ABCA8: variants seen among roughly 807,000 people sequenced by gnomAD.
ABCA8 encodes the protein ATP binding cassette subfamily A member 8.
Under a neutral mutation model 192.3 loss-of-function variants are expected in ABCA8, and 177 were observed. The observed-to-expected ratio is 0.92, with a 90% CI of 0.81 to 1.04. The LOEUF is 1.04. Among genes scored for constraint, ABCA8 ranks in the 50% least tolerant of loss-of-function variants. ABCA8 has a pLI of 0.00. For missense variants in ABCA8, 1,915 were observed against 1,904.8 expected (o/e 1.01, Z -0.10); for synonymous variants, 642 against 690.2 (o/e 0.93, Z 1.09).
At position 68,924,683 on chromosome 17, in the gene ABCA8, C is replaced by T; in HGVS notation, c.1442+18G>A. The stretch of plus-strand genomic sequence containing the variant: ...CTTCCTGCCTTTTTGCCCTGTTCTC[C>T]ACCTGCAGCCTTATTACCTGATGGC... On this transcript the variant is annotated intron_variant, in intron 11 of 39. Transcript: ENST00000586539. 1 of 1,605,854 alleles carries T rather than the reference C, an allele frequency of 6.2e-7. No homozygotes were observed. Among genetic ancestry groups the T allele is most frequent in the Non-Finnish European group, 8.5e-7 (1 of 1,177,144 alleles).
chr17:68,902,321 A>G (rs1227051564), intron 21 of ABCA8, among the ~76,000 whole-genome samples: 2 of 152,118 alleles, frequency 1.3e-5, no homozygotes, highest in African/African-American at 4.8e-5. Flanking sequence ...GCTATTCGGT[A>G]TGGGGTTTCT....
chr17:68,919,355 G>T lies in ABCA8; in HGVS notation c.1734C>A (p.Asn578Lys). The change falls in exon 14 of 40, where the codon AAC (asparagine) becomes AAA (lysine). Residue 578 changes from asparagine (N) to lysine (K), a missense_variant. Coordinates refer to ENST00000586539, the MANE Select transcript of ABCA8 (RefSeq NM_001288985.2). ...VQFDFLTVRE[N>K]LRLFAKIKGI... is the part of the protein sequence containing the mutation. ...CTTTTATTTTAGCAAAGAGTCTGAGGTTTTCTCTTACAGTGAGGAAGTCAA... is the reference window on the plus strand; with the variant it reads ...CTTTTATTTTAGCAAAGAGTCTGAGTTTTTCTCTTACAGTGAGGAAGTCAA... The T allele has an allele frequency of 6.2e-7, 1 of 1,613,716 alleles. No homozygotes were observed.
At chr17:68,876,278 G>C in intron 35 of ABCA8, 182 bp downstream of exon 35, 3 of 703,364 alleles carry the variant, frequency 4.3e-6, no homozygotes, top group Non-Finnish European at 7.0e-6. Context: ...ATAAGAAATG[G>C]TTGTAAAATA....
chr17:68,893,972 T>C (rs1470156279), intron 23 of ABCA8: 2 of 496,844 alleles, frequency 4.0e-6, no homozygotes, highest in Non-Finnish European at 7.2e-6. Flanking sequence ...AAAAATGTTT[T>C]GTTCATTTTA....
rs148753714 is a variant in ABCA8 at position 68,881,202 on chromosome 17, A to G, written c.3956T>C (p.Leu1319Ser). Reference protein sequence around the residue: ...VSFCVRKGEVLGLLGHNGAGK... With the variant: ...VSFCVRKGEVSGLLGHNGAGK... ...AGCTCCATTGTGTCCTAATAATCCT[A>G]AAACTTCACCTGAAAAAAAGGTTAC... Residue 1319 changes from leucine to serine, a missense_variant, in exon 32 of 40, where the codon TTA becomes TCA. Leu to Ser is a moderately radical substitution (Grantham distance 145, BLOSUM62 -2). Coordinates refer to ENST00000586539, the MANE Select transcript of ABCA8 (RefSeq NM_001288985.2). 2.7e-5 allele frequency: 43 copies of G among 1,612,082 alleles called. No individual in the cohort carries two copies. The African/African-American group carries it at 4.9e-4, about 18-fold the overall frequency.
chr17:68,878,149 A>C (rs994287800), intron 32 of ABCA8: 1 of 153,070 alleles, frequency 6.5e-6, no homozygotes, highest in Non-Finnish European at 1.5e-5. Flanking sequence ...AAACAAGTAG[A>C]GAAATGAACA....
intron 5 of ABCA8, among the ~76,000 whole-genome samples, chr17:68,934,051 G>GTA (rs993947071): frequency 1.9e-4 from 29 of 151,760 alleles, no homozygotes; most frequent in Non-Finnish European, 3.4e-4. Flanking sequence ...TGAACGTTAT[G>GTA]TATATATATA....
In ABCA8 at chr17:68,924,918, G is replaced by A. The variant is rs184964667; in HGVS notation, c.1274-49C>T. On this transcript the variant is annotated intron_variant, in intron 10 of 39. Transcript: ENST00000586539. ...ATATTGGGTCAATGACCACGTTAGG[G>A]AGAGAGAGTCACAGTAATGTAGCAC... The A allele has an allele frequency of 1.5e-4, 240 of 1,581,356 alleles. 1 individual carries two copies. The highest frequency in any genetic ancestry group is 6.8e-4 in the Middle Eastern group (4 of 5,906).
chr17:68,906,891 A>G (rs1268801290), intron 18 of ABCA8, among the ~76,000 whole-genome samples: 1 of 152,176 alleles, frequency 6.6e-6, no homozygotes, highest in African/African-American at 2.4e-5. Flanking sequence ...TACAGTGGTT[A>G]AATCAAGCTT....
In ABCA8 at chr17:68,877,519, C is replaced by T. The variant is rs139194463; in HGVS notation, c.4199G>A (p.Arg1400Gln). 88 of 1,612,354 alleles carry T rather than the reference C, an allele frequency of 5.5e-5. No individual in the cohort carries two copies. The African/African-American group carries it at 5.9e-4, about 11-fold the overall frequency. The part of the protein sequence containing the change: ...RKGDAEVAIT[R>Q]LVDALKLQDQ... ...GAACAGATGTGGCTCCTCTGTGTACCGTGTGATGGCAACCTCAGCATCCCC... is the reference window on the plus strand; with the variant it reads ...GAACAGATGTGGCTCCTCTGTGTACTGTGTGATGGCAACCTCAGCATCCCC... The change falls in exon 33 of 40, where the codon CGG (arginine) becomes CAG (glutamine). Residue 1400 changes from arginine (R) to glutamine (Q), a missense_variant and splice_region_variant. Physicochemically the swap from Arg to Gln is conservative, Grantham distance 43 (BLOSUM62 1). Transcript: ENST00000586539.
rs571104846 is a variant in ABCA8 at position 68,902,988 on chromosome 17, A to C, written c.2598-109T>G. On this transcript the variant is annotated intron_variant, in intron 20 of 39. Transcript: ENST00000586539. ...AAAGAAATTATAAAAATTAAACACA[A>C]TTAACTGTCACATTTCTTGAGTATT... is the stretch of plus-strand genomic sequence containing the variant. 6 of 957,010 alleles carry C rather than the reference A, an allele frequency of 6.3e-6. No individual in the cohort carries two copies. In the Admixed American group the frequency reaches 1.7e-4, roughly 26 times the overall value. The allele number at this position is 957,010 out of a possible 1,614,324, so 59.3% of individuals were successfully genotyped here.
chr17:68,937,784 A>G (rs2068109684), intron 4 of ABCA8, among the ~76,000 whole-genome samples: 1 of 152,140 alleles, frequency 6.6e-6, no homozygotes, highest in South Asian at 2.1e-4. Flanking sequence ...AACTTATGTC[A>G]TCATGAGCAA....
chr17:68,922,649 A>G (rs947575222), intron 11 of ABCA8, among the ~76,000 whole-genome samples: 9 of 152,152 alleles, frequency 5.9e-5, no homozygotes, highest in Admixed American at 6.5e-5. Context: ...GATGACATGG[A>G]CATTCGATAC....
chr17:68,942,434 T>C (rs1414721533), intron 2 of ABCA8, among the ~76,000 whole-genome samples: 1 of 152,220 alleles, frequency 6.6e-6, no homozygotes, highest in African/African-American at 2.4e-5. Flanking sequence ...ATCAGAATAG[T>C]TCATTTGCTG....
At chr17:68,925,339 T>A (rs1447624445) in intron 10 of ABCA8, among the ~76,000 whole-genome samples, 5 of 152,162 alleles carry the variant, frequency 3.3e-5, no homozygotes, top group Non-Finnish European at 7.4e-5. Context: ...AAGAACACGA[T>A]AAAATAATTA....
At chr17:68,876,759 G>A (rs569865802) in intron 33 of ABCA8, 56 bp from the exon 34 acceptor site, 1 of 1,606,636 alleles carries the variant, frequency 6.2e-7, no homozygotes, top group African/African-American at 1.3e-5. Context: ...TAGATAAGAG[G>A]ATAACCCAAG....
chr17:68,896,254 A>T lies in ABCA8; in HGVS notation c.2765-1241T>A, dbSNP rs181689329. 2.0e-5 allele frequency among the ~76,000 whole-genome samples: 3 copies of T among 152,322 alleles called. No individual in the cohort carries two copies. The East Asian group carries it at 5.8e-4, about 29-fold the overall frequency. On this transcript the variant is annotated intron_variant, in intron 21 of 39. Transcript: ENST00000586539. Reference sequence around the variant, plus strand: ...CCTTGGTTGAACCATACACCAGCTAAAAGTTTACTAGAGAGAGCAGCAAAA... The same window carrying T: ...CCTTGGTTGAACCATACACCAGCTATAAGTTTACTAGAGAGAGCAGCAAAA...
intron 29 of ABCA8, among the ~76,000 whole-genome samples, chr17:68,883,499 G>A (rs932426689): frequency 3.3e-5 from 5 of 152,094 alleles, no homozygotes; most frequent in African/African-American, 1.2e-4. Context: ...TATTCAACTG[G>A]CAATATATTG....
chr17:68,941,909 A>G lies in ABCA8; in HGVS notation c.96+30T>C, dbSNP rs778674179. 6.7e-6 allele frequency: 10 copies of G among 1,487,834 alleles called. No homozygotes were observed. The African/African-American group carries it at 1.4e-4, about 21-fold the overall frequency. 92.2% of individuals were successfully genotyped at this position (1,487,834 alleles called of 1,614,324 possible). ...GGCAACACGTATTTTCCTATCATAAATAGAGAATAACACGGATATTGAGTC... is the reference window on the plus strand; with the variant it reads ...GGCAACACGTATTTTCCTATCATAAGTAGAGAATAACACGGATATTGAGTC... On this transcript the variant is annotated intron_variant, in intron 3 of 39. Coordinates refer to ENST00000586539, the MANE Select transcript of ABCA8 (RefSeq NM_001288985.2).
Sources: gnomAD v4.1 joint callset for allele counts (sites outside exome capture counted in the v4.1 genomes callset) on GRCh38, gnomAD v4.1.1 for gene constraint, MANE v1.5 for transcripts, NCBI Gene and HGNC (gene_info 2026-07-23, HGNC 2026-07-21) for gene names.